Variants in LHFPL3 observed in about 807,000 individuals in gnomAD.
The protein encoded by LHFPL3 is LHFPL tetraspan subfamily member 3 protein.
In LHFPL3, 5 loss-of-function variants were observed where a neutral mutation model predicts 19.3. That is an observed-to-expected ratio of 0.26 (90% confidence interval 0.14 to 0.54). LHFPL3 has a LOEUF of 0.54. LHFPL3 is among the 20% of genes least tolerant of loss of function. The pLI, the probability that LHFPL3 is intolerant of heterozygous loss-of-function variation, is 0.94. For synonymous variants in LHFPL3, 133 were observed against 126.2 expected, an observed-to-expected ratio of 1.05 and a Z score of -0.36; for missense variants, 249 against 307.4, an observed-to-expected ratio of 0.81 and a Z score of 1.42.
intron 1 of LHFPL3, among the ~76,000 whole-genome samples, chr7:104,599,655 G>C (rs1790927205): frequency 6.6e-6 from 1 of 152,162 alleles, no homozygotes; most frequent in South Asian, 2.1e-4. Context: ...CGACACATCA[G>C]AAATTTCACA....
chr7:104,372,306 G>A (rs1262543573), intron 1 of LHFPL3, among the ~76,000 whole-genome samples: 1 of 152,206 alleles, frequency 6.6e-6, no homozygotes, highest in African/African-American at 2.4e-5. Context: ...AAATGGAAAT[G>A]CAGGGTTGCA....
chr7:104,417,005 G>A lies in LHFPL3; in HGVS notation c.445+87781G>A, dbSNP rs373624301. On this transcript the variant is annotated intron_variant, in intron 1 of 2. Transcript: ENST00000424859. Reference sequence around the variant, plus strand: ...TCATGCAGACAGATACCTGGTGGCCGAATCCCTTCTCACTAGGCCCCACTT... The same window carrying A: ...TCATGCAGACAGATACCTGGTGGCCAAATCCCTTCTCACTAGGCCCCACTT... Among the ~76,000 whole-genome samples, 19 of 152,324 alleles carry A rather than the reference G, an allele frequency of 1.2e-4. 1 individual carries two copies. Among genetic ancestry groups the A allele is most frequent in the African/African-American group, 4.3e-4 (18 of 41,572 alleles).
intron 1 of LHFPL3, among the ~76,000 whole-genome samples, chr7:104,477,586 G>A (rs1562909855): frequency 6.6e-6 from 1 of 152,026 alleles, no homozygotes; most frequent in Non-Finnish European, 1.5e-5. Flanking sequence ...CAACACACAC[G>A]GGCCTTTCGG....
intron 2 of LHFPL3, among the ~76,000 whole-genome samples, chr7:104,823,038 C>T (rs913505152): frequency 2.6e-5 from 4 of 152,042 alleles, no homozygotes; most frequent in Non-Finnish European, 5.9e-5. Flanking sequence ...ACAGACATCC[C>T]CAACAGTATG....
At chr7:104,423,609 C>T (rs1208962303) in intron 1 of LHFPL3, among the ~76,000 whole-genome samples, 2 of 152,148 alleles carry the variant, frequency 1.3e-5, no homozygotes, top group Non-Finnish European at 2.9e-5. Flanking sequence ...TGCAGTGAGC[C>T]GTGATCATGC....
chr7:104,448,250 T>C (rs927668165), intron 1 of LHFPL3, among the ~76,000 whole-genome samples: 1 of 152,160 alleles, frequency 6.6e-6, no homozygotes, highest in East Asian at 1.9e-4. Flanking sequence ...AAATTCCTAT[T>C]CTTCTTTTGC....
chr7:104,335,710 T>A (rs1789792723), intron 1 of LHFPL3, among the ~76,000 whole-genome samples: 1 of 152,168 alleles, frequency 6.6e-6, no homozygotes. Flanking sequence ...AACCAGAATG[T>A]GGTATCAGAG....
chr7:104,473,133 C>A (rs1351710168), intron 1 of LHFPL3, among the ~76,000 whole-genome samples: 3 of 152,280 alleles, frequency 2.0e-5, no homozygotes, highest in African/African-American at 7.2e-5. Flanking sequence ...CTGACATATT[C>A]TATGAAATAT....
intron 2 of LHFPL3, among the ~76,000 whole-genome samples, chr7:104,780,801 C>T (rs189845097): frequency 5.3e-5 from 8 of 152,188 alleles, no homozygotes; most frequent in African/African-American, 7.2e-5. Flanking sequence ...TTCTTCTCCA[C>T]GCAAGCCACA....
Position 104,636,358 on chromosome 7 carries a change from G to A in LHFPL3, c.446-100317G>A, listed in dbSNP as rs567310733. Among the ~76,000 whole-genome samples, 10 of 152,264 alleles carry A rather than the reference G, an allele frequency of 6.6e-5. No homozygotes were observed. In the East Asian group the frequency reaches 1.4e-3, roughly 21 times the overall value. On this transcript the variant is annotated intron_variant, in intron 1 of 2. Coordinates refer to ENST00000424859, the MANE Select transcript of LHFPL3 (RefSeq NM_199000.3). The stretch of plus-strand genomic sequence containing the variant: ...AAGGAATGGGAGAACAATGAAACAC[G>A]ATACCAAAAAGTACTAATTTTTTTA...
At chr7:104,715,290 G>A (rs1793366395) in intron 1 of LHFPL3, among the ~76,000 whole-genome samples, 1 of 152,182 alleles carries the variant, frequency 6.6e-6, no homozygotes, top group Admixed American at 6.5e-5. Context: ...TAAGGGAAAG[G>A]AGTTCAGAGA....
At chr7:104,857,825 G>T (rs540424794) in intron 2 of LHFPL3, among the ~76,000 whole-genome samples, 1 of 152,184 alleles carries the variant, frequency 6.6e-6, no homozygotes, top group Non-Finnish European at 1.5e-5. Flanking sequence ...CACCCTCGGT[G>T]TAATTCCTAA....
chr7:104,699,050 G>A (rs1275453110), intron 1 of LHFPL3, among the ~76,000 whole-genome samples: 1 of 152,166 alleles, frequency 6.6e-6, no homozygotes, highest in Non-Finnish European at 1.5e-5. Flanking sequence ...ACAAGTGTTG[G>A]CAAGGATGTG....
intron 1 of LHFPL3, among the ~76,000 whole-genome samples, chr7:104,679,453 G>A (rs1792652731): frequency 6.6e-6 from 1 of 152,232 alleles, no homozygotes; most frequent in Non-Finnish European, 1.5e-5. Flanking sequence ...TAGGGAGTTA[G>A]GCTCTGCCTC....
chr7:104,773,783 A>G (rs1260216066), intron 2 of LHFPL3, among the ~76,000 whole-genome samples: 2 of 152,228 alleles, frequency 1.3e-5, no homozygotes, highest in Admixed American at 1.3e-4. Context: ...AAGGAATGCC[A>G]AAGTTTGCCA....
chr7:104,484,803 G>A (rs746397290), intron 1 of LHFPL3, among the ~76,000 whole-genome samples: 1 of 152,142 alleles, frequency 6.6e-6, no homozygotes, highest in South Asian at 2.1e-4. Context: ...CAGGAAGGGG[G>A]CTGAACTCAT....
chr7:104,459,002 G>A (rs1358506539), intron 1 of LHFPL3, among the ~76,000 whole-genome samples: 1 of 152,232 alleles, frequency 6.6e-6, no homozygotes, highest in Non-Finnish European at 1.5e-5. Context: ...GCAGCCTCCT[G>A]TGCTACAGCT....
chr7:104,657,821 C>A (rs1000718995), intron 1 of LHFPL3, among the ~76,000 whole-genome samples: 3 of 152,230 alleles, frequency 2.0e-5, no homozygotes, highest in African/African-American at 7.2e-5. Context: ...CTATTGAAAA[C>A]TTCCACAATT....
At chr7:104,584,492 A>T (rs1212494038) in intron 1 of LHFPL3, among the ~76,000 whole-genome samples, 1 of 152,044 alleles carries the variant, frequency 6.6e-6, no homozygotes, top group Non-Finnish European at 1.5e-5. Context: ...GAAAATAGAG[A>T]TTACTTACTT....
Sources: allele counts gnomAD v4.1 joint callset (sites outside exome capture counted in the v4.1 genomes callset), GRCh38; gene constraint gnomAD v4.1.1; transcripts MANE v1.5; gene names NCBI Gene and HGNC (gene_info 2026-07-23, HGNC 2026-07-21).